Variants in PXDNL observed in about 807,000 individuals in gnomAD.
The protein encoded by PXDNL is probable oxidoreductase PXDNL.
In PXDNL, 145 loss-of-function variants were observed where a neutral mutation model predicts 150.8. The observed-to-expected ratio is 0.96, with a 90% CI of 0.84 to 1.10. The LOEUF (loss-of-function observed/expected upper bound fraction) is 1.10, where lower values mean the gene tolerates loss of function less well. PXDNL is among the 50% of genes least tolerant of loss of function. The pLI is 0.00. For missense variants in PXDNL, 2,087 were observed against 1,873.9 expected, an observed-to-expected ratio of 1.11 and a Z score of -2.10; for synonymous variants, 757 against 725.7, an observed-to-expected ratio of 1.04 and a Z score of -0.69.
intron 1 of PXDNL, among the ~76,000 whole-genome samples, chr8:51,755,334 G>A (rs949990661): frequency 6.7e-5 from 10 of 149,902 alleles, no homozygotes; most frequent in East Asian, 3.9e-4. Context: ...CGCTGTTGTC[G>A]CCCAGGCTGG....
chr8:51,622,405 G>T (rs1450842104), intron 2 of PXDNL, among the ~76,000 whole-genome samples: 2 of 152,182 alleles, frequency 1.3e-5, no homozygotes, highest in Non-Finnish European at 2.9e-5. Context: ...GTGGGAATTT[G>T]CTATGCTGCC....
chr8:51,525,516 C>G (rs1390716753), intron 4 of PXDNL, among the ~76,000 whole-genome samples: 1 of 152,164 alleles, frequency 6.6e-6, no homozygotes, highest in Non-Finnish European at 1.5e-5. Flanking sequence ...TTTCCCTCCT[C>G]CGTTTTGGTA....
chr8:51,757,883 C>T (rs2037119042), intron 1 of PXDNL, among the ~76,000 whole-genome samples: 2 of 152,050 alleles, frequency 1.3e-5, no homozygotes, highest in South Asian at 4.1e-4. Context: ...CCCATCTTGA[C>T]ATGAACTTAT....
At chr8:51,555,970 T>TC in intron 4 of PXDNL, among the ~76,000 whole-genome samples, 1 of 152,118 alleles carries the variant, frequency 6.6e-6, no homozygotes, top group East Asian at 1.9e-4. Context: ...TCAGTTTGAG[T>TC]TGTAATAATA....
chr8:51,764,279 G>C (rs34004633), intron 1 of PXDNL, among the ~76,000 whole-genome samples: 26,641 of 150,570 alleles, frequency 0.18, 2,701 homozygotes, highest in Non-Finnish European at 0.22. Context: ...TGTTGATTTT[G>C]TCTATTTTTC....
intron 19 of PXDNL, among the ~76,000 whole-genome samples, chr8:51,355,375 C>T (rs1176538814): frequency 6.6e-6 from 1 of 152,156 alleles, no homozygotes; most frequent in African/African-American, 2.4e-5. Flanking sequence ...TTACTTGATG[C>T]TCTAAAGACA....
chr8:51,786,869 A>G (rs1430383293), intron 1 of PXDNL, among the ~76,000 whole-genome samples: 2 of 152,222 alleles, frequency 1.3e-5, no homozygotes, highest in African/African-American at 4.8e-5. Context: ...ACTGGCTTCA[A>G]AACTTTGAAG....
At chr8:51,521,266 T>A (rs541629099) in intron 4 of PXDNL, among the ~76,000 whole-genome samples, 2 of 152,108 alleles carry the variant, frequency 1.3e-5, no homozygotes, top group East Asian at 3.9e-4. Context: ...TAAAAAAGTC[T>A]TTACTGGAAA....
chr8:51,535,019 A>C (rs1409768671), intron 4 of PXDNL, among the ~76,000 whole-genome samples: 1 of 78,650 alleles, frequency 1.3e-5, no homozygotes, highest in East Asian at 5.3e-4. Context: ...GGTGAGGGGC[A>C]CCTCTGCCCG....
chr8:51,410,497 G>C (rs911104066), intron 16 of PXDNL, among the ~76,000 whole-genome samples: 1 of 152,170 alleles, frequency 6.6e-6, no homozygotes, highest in African/African-American at 2.4e-5. Context: ...TCAAATGCCA[G>C]TTAGTTAGAG....
At chr8:51,397,919 C>CA in intron 17 of PXDNL, among the ~76,000 whole-genome samples, 1 of 152,144 alleles carries the variant, frequency 6.6e-6, no homozygotes, top group Non-Finnish European at 1.5e-5. Context: ...ACCCACCCCA[C>CA]AACAGGCCCC....
intron 5 of PXDNL, among the ~76,000 whole-genome samples, chr8:51,486,794 A>ATAT (rs1810773699): frequency 8.1e-5 from 2 of 24,714 alleles, no homozygotes; most frequent in African/African-American, 3.5e-4. Context: ...ATATATATAT[A>ATAT]TTTTTTTTTT....
chr8:51,544,215 A>G (rs1040339827), intron 4 of PXDNL, among the ~76,000 whole-genome samples: 3 of 152,216 alleles, frequency 2.0e-5, no homozygotes, highest in African/African-American at 4.8e-5. Context: ...GCAACTGAGC[A>G]TGAACTTTTC....
intron 1 of PXDNL, among the ~76,000 whole-genome samples, chr8:51,804,686 T>C (rs2037657547): frequency 6.6e-6 from 1 of 152,098 alleles, no homozygotes; most frequent in African/African-American, 2.4e-5. Context: ...ATCCCTTCAC[T>C]TCATTTATAG....
At chr8:51,540,835 G>T (rs1413553417) in intron 4 of PXDNL, among the ~76,000 whole-genome samples, 2 of 151,882 alleles carry the variant, frequency 1.3e-5, no homozygotes, top group East Asian at 3.9e-4. Flanking sequence ...TTTTTCAGTT[G>T]TATCACATTT....
At chr8:51,532,409 C>A (rs952553023) in intron 4 of PXDNL, among the ~76,000 whole-genome samples, 1 of 152,232 alleles carries the variant, frequency 6.6e-6, no homozygotes, top group African/African-American at 2.4e-5. Context: ...CTTCTACAAC[C>A]TTTCTGACAG....
intron 1 of PXDNL, among the ~76,000 whole-genome samples, chr8:51,713,290 A>G (rs1816537215): frequency 6.6e-6 from 1 of 152,242 alleles, no homozygotes; most frequent in East Asian, 1.9e-4. Context: ...TAGCACCACA[A>G]GGCATTCCTT....
At position 51,651,787 on chromosome 8, in the gene PXDNL, G is replaced by GTAT. The variant is rs534100472; in HGVS notation, c.236+2899_236+2901dup. Among the ~76,000 whole-genome samples, 1,215 of 152,250 alleles carry GTAT rather than the reference G, an allele frequency of 8.0e-3. 1 individual carries two copies. Among genetic ancestry groups the GTAT allele is most frequent in the Non-Finnish European group, 0.012 (813 of 68,008 alleles). ...TTGAATTTGAGCCTGTTTCCCAAAT[G>GTAT]TATTACTCTTATCAGTGTCATCCAG... is the stretch of plus-strand genomic sequence containing the variant. On this transcript the variant is annotated intron_variant, in intron 2 of 22. Transcript: ENST00000356297.
chr8:51,565,692 A>C (rs1430878130), intron 3 of PXDNL, among the ~76,000 whole-genome samples: 1 of 151,904 alleles, frequency 6.6e-6, no homozygotes, highest in African/African-American at 2.4e-5. Context: ...TCATGCAAAA[A>C]ATTATTAAAA....
Sources: gnomAD v4.1 joint callset for allele counts (sites outside exome capture counted in the v4.1 genomes callset) on GRCh38, gnomAD v4.1.1 for gene constraint, MANE v1.5 for transcripts, NCBI Gene and HGNC (gene_info 2026-07-23, HGNC 2026-07-21) for gene names.